CAV2: variants seen among roughly 807,000 people sequenced by gnomAD.
CAV2 encodes the protein caveolin 2.
CAV2 carries 7 observed loss-of-function variants against 15.5 expected under a neutral mutation model. The observed-to-expected ratio is 0.45, with a 90% CI of 0.26 to 0.85. The LOEUF (loss-of-function observed/expected upper bound fraction) is 0.85. CAV2 is among the 40% of genes least tolerant of loss of function. CAV2 has a pLI of 0.18. For missense variants in CAV2, 229 were observed against 208.8 expected (o/e 1.10, Z -0.60); for synonymous variants, 76 against 83.1 (o/e 0.91, Z 0.46).
rs1793084457 is a variant in CAV2 at position 116,500,725 on chromosome 7, C to T, written c.338+278C>T. On this transcript the variant is annotated intron_variant, in intron 2 of 2. Coordinates refer to ENST00000222693, the MANE Select transcript of CAV2 (RefSeq NM_001233.5). ...GCTGGGCTGAGTGTGGAGGCGGGTA[C>T]CTGGAAGCCACACTTCTTACCACAG... is the stretch of plus-strand genomic sequence containing the variant. 3 of 383,372 alleles carry T rather than the reference C, an allele frequency of 7.8e-6. No homozygotes were observed. The Admixed American group carries it at 1.3e-4, about 16-fold the overall frequency. The allele number at this position is 383,372 out of a possible 1,614,324, so 23.7% of individuals were successfully genotyped here.
At chr7:116,500,007 C>A in intron 1 of CAV2, 76 bp downstream of exon 1, 1 of 1,548,360 alleles carries the variant, frequency 6.5e-7, no homozygotes, top group Non-Finnish European at 8.7e-7. Flanking sequence ...CCGCCCTAAC[C>A]CGTCCCACCA....
chr7:116,503,728 G>T (rs565539247), intron 2 of CAV2, among the ~76,000 whole-genome samples: 2 of 152,064 alleles, frequency 1.3e-5, no homozygotes, highest in East Asian at 3.9e-4. Flanking sequence ...ACTCAGGGAG[G>T]CTGAGGCAGG....
chr7:116,500,542 CAGG>C, intron 2 of CAV2, 95 bp downstream of exon 2: 1 of 1,247,296 alleles, frequency 8.0e-7, no homozygotes, highest in Middle Eastern at 2.9e-4. Flanking sequence ...AGGCCGGCGT[CAGG>C]AGGAGGAACG....
chr7:116,501,399 G>C (rs1318747253), intron 2 of CAV2: 1 of 152,156 alleles, frequency 6.6e-6, no homozygotes, highest in Non-Finnish European at 1.5e-5. Flanking sequence ...AGGTACCTCC[G>C]TGTCTTTCTT....
intron 2 of CAV2, among the ~76,000 whole-genome samples, chr7:116,502,362 TG>T (rs1292656205): frequency 1.3e-5 from 2 of 152,234 alleles, no homozygotes; most frequent in African/African-American, 4.8e-5. Context: ...AACTTCAGCT[TG>T]TTTTTTTAAC....
rs1375837455 is a variant in CAV2 at position 116,500,357 on chromosome 7, T to C, written c.248T>C (p.Val83Ala). Residue 83 changes from valine (V) to alanine (A), a missense_variant, in exon 2 of 3, where the codon GTA (valine) becomes GCA (alanine). By Grantham distance (64) the Val-to-Ala change is moderately conservative. Transcript: ENST00000222693. ...GCCCTCTTTGAAATCAGCAAATACG[T>C]AATGTACAAGTTCCTGACGGTGTTC... ...SHALFEISKY[V>A]MYKFLTVFLA... 6.2e-7 allele frequency: 1 copy of C among 1,614,196 alleles called. No individual in the cohort carries two copies. Among genetic ancestry groups the C allele is most frequent in the Admixed American group, 1.7e-5 (1 of 60,028 alleles).
chr7:116,502,323 C>A lies in CAV2; in HGVS notation c.338+1876C>A, dbSNP rs538121019. Among the ~76,000 whole-genome samples the A allele has an allele frequency of 2.0e-5, 3 of 152,086 alleles. No homozygotes were observed. The East Asian group carries it at 5.8e-4, about 29-fold the overall frequency. On this transcript the variant is annotated intron_variant, in intron 2 of 2. Coordinates refer to ENST00000222693, the MANE Select transcript of CAV2 (RefSeq NM_001233.5). The stretch of plus-strand genomic sequence containing the variant: ...AATCATCAATGCACCTTTTTTTAGC[C>A]ACATAAAATGTATTATTTAATATTA...
At chr7:116,502,822 T>C (rs1793135259) in intron 2 of CAV2, among the ~76,000 whole-genome samples, 1 of 152,178 alleles carries the variant, frequency 6.6e-6, no homozygotes. Flanking sequence ...CCATTAGGAA[T>C]CAGTGAATTA....
intron 2 of CAV2, among the ~76,000 whole-genome samples, chr7:116,502,940 C>T (rs1395445897): frequency 6.6e-6 from 1 of 152,034 alleles, no homozygotes; most frequent in East Asian, 1.9e-4. Flanking sequence ...GCACCCATAT[C>T]CCTTATTTTT....
At chr7:116,500,166 T>G in intron 1 of CAV2, 94 bp from the exon 2 acceptor site, 1 of 1,532,110 alleles carries the variant, frequency 6.5e-7, no homozygotes, top group South Asian at 1.3e-5. Flanking sequence ...CCCTGGCACG[T>G]CCTTCCCTCC....
rs554512193 is a variant in CAV2, at chr7:116,504,857, G to T, written c.339-1114G>T. On this transcript the variant is annotated intron_variant, in intron 2 of 2. Coordinates refer to ENST00000222693, the MANE Select transcript of CAV2 (RefSeq NM_001233.5). The stretch of plus-strand genomic sequence containing the variant: ...GATAGACTAGTTTTCTTGTGTAAAA[G>T]TTCTAACATCATTTGCAGGGTTCTT... 9.2e-5 allele frequency among the ~76,000 whole-genome samples: 14 copies of T among 152,276 alleles called. No individual in the cohort carries two copies. The South Asian group carries it at 2.5e-3, about 27-fold the overall frequency.
intron 2 of CAV2, among the ~76,000 whole-genome samples, chr7:116,502,687 G>A (rs1231244830): frequency 1.3e-5 from 2 of 152,164 alleles, no homozygotes; most frequent in Non-Finnish European, 2.9e-5. Flanking sequence ...AAAATATGCA[G>A]TAGTGGAACT....
At chr7:116,505,152 T>C (rs1478965868) in intron 2 of CAV2, among the ~76,000 whole-genome samples, 1 of 152,082 alleles carries the variant, frequency 6.6e-6, no homozygotes, top group Non-Finnish European at 1.5e-5. Flanking sequence ...TGAGGGAATA[T>C]CCGATCTAGC....
chr7:116,504,105 T>A (rs1359689166), intron 2 of CAV2, among the ~76,000 whole-genome samples: 1 of 152,170 alleles, frequency 6.6e-6, no homozygotes, highest in East Asian at 1.9e-4. Flanking sequence ...GTTAGGAAAC[T>A]TTCTGATCTA....
Position 116,499,915 on chromosome 7 carries a change from T to A in CAV2, c.134T>A (p.Leu45His), listed in dbSNP as rs755449560. The change falls in exon 1 of 3, where the codon CTC becomes CAC. Residue 45 changes from leucine (L) to histidine (H), a missense_variant. Coordinates refer to ENST00000222693, the MANE Select transcript of CAV2 (RefSeq NM_001233.5). ...GACCAGGACCGGGATCCCCACCGGC[T>A]CAACTCGCATCTCAAGGTGAAGCCC... is the stretch of plus-strand genomic sequence containing the variant. ...DSDQDRDPHR[L>H]NSHLKLGFED... 30 of 1,609,644 alleles carry A rather than the reference T, an allele frequency of 1.9e-5. No individual in the cohort carries two copies. The highest frequency in any genetic ancestry group is 2.5e-5 in the Non-Finnish European group (30 of 1,178,974).
At chr7:116,505,828 G>C (rs1354217341) in intron 2 of CAV2, 143 bp from the exon 3 acceptor site, 5 of 590,500 alleles carry the variant, frequency 8.5e-6, no homozygotes, top group Non-Finnish European at 1.5e-5. Context: ...ATCATTATCA[G>C]TGATCATTGT....
chr7:116,503,833 AGAAG>A (rs1208386815), intron 2 of CAV2, among the ~76,000 whole-genome samples: 2 of 147,832 alleles, frequency 1.4e-5, no homozygotes, highest in Admixed American at 6.8e-5. Context: ...CTGAAAAGAA[AGAAG>A]GAAGGGAAGG....
Position 116,505,975 on chromosome 7 carries a change from T to G in CAV2, c.343T>G (p.Leu115Val). 1 of 1,611,166 alleles carries G rather than the reference T, an allele frequency of 6.2e-7. No homozygotes were observed. The highest frequency in any genetic ancestry group is 8.5e-7 in the Non-Finnish European group (1 of 1,177,792). The change falls in exon 3 of 3, where the codon TTA becomes GTA. Residue 115 changes from leucine (L) to valine (V), a missense_variant. Transcript: ENST00000222693. The part of the protein sequence containing the change: ...ATLSCLHIWI[L>V]MPFVKTCLMV... ...ATCTCTCTTCCTTCCTTCCAGGATT[T>G]TAATGCCTTTTGTAAAGACCTGCCT...
chr7:116,499,827 G>A lies in CAV2; in HGVS notation c.46G>A (p.Asp16Asn), dbSNP rs577332282. 3 of 1,603,442 alleles carry A rather than the reference G, an allele frequency of 1.9e-6. No individual in the cohort carries two copies. The highest frequency in any genetic ancestry group is 3.4e-5 in the Admixed American group (2 of 58,574). ...GGCGGACGTACAGCTCTTCATGGAC[G>A]ACGACTCCTACAGCCACCACAGCGG... ...EKADVQLFMD[D>N]DSYSHHSGLE... The change falls in exon 1 of 3, where the codon GAC (aspartate) becomes AAC (asparagine). Residue 16 changes from aspartate (D) to asparagine (N), a missense_variant. Transcript: ENST00000222693.
Sources: allele counts gnomAD v4.1 joint callset (sites outside exome capture counted in the v4.1 genomes callset), GRCh38; gene constraint gnomAD v4.1.1; transcripts MANE v1.5; gene names NCBI Gene and HGNC (gene_info 2026-07-23, HGNC 2026-07-21).